Variants in PHYKPL observed in about 807,000 individuals in gnomAD.
PHYKPL encodes 5-phosphohydroxy-L-lysine phospho-lyase.
A neutral mutation model predicts 51.3 loss-of-function variants in PHYKPL; 42 were observed. The observed-to-expected ratio is 0.82, with a 90% CI of 0.64 to 1.06. PHYKPL has a LOEUF of 1.06. Ranked by LOEUF, PHYKPL falls within the 50% of genes least tolerant of loss-of-function variation. The pLI is 0.00. For synonymous variants in PHYKPL, 264 were observed against 236.0 expected, an observed-to-expected ratio of 1.12 and a Z score of -1.09; for missense variants, 655 against 586.6, an observed-to-expected ratio of 1.12 and a Z score of -1.20.
chr5:178,213,296 A>T (rs962935317), intron 10 of PHYKPL, among the ~76,000 whole-genome samples, 193 bp from the exon 11 acceptor site: 2 of 152,142 alleles, frequency 1.3e-5, no homozygotes, highest in Admixed American at 1.3e-4. Context: ...AGTGCACTGC[A>T]CCTGGCCCTG....
At chr5:178,232,222 T>G in intron 1 of PHYKPL, 2 of 1,254,692 alleles carry the variant, frequency 1.6e-6, no homozygotes, top group Non-Finnish European at 1.0e-6. Context: ...CGAACAGCGG[T>G]GAGGGCGGGG....
At chr5:178,229,376 G>A (rs1340580534) in intron 3 of PHYKPL, among the ~76,000 whole-genome samples, 2 of 152,288 alleles carry the variant, frequency 1.3e-5, no homozygotes, top group African/African-American at 4.8e-5. Flanking sequence ...CCGAAGTGCT[G>A]GGATTACAGG....
intron 2 of PHYKPL, among the ~76,000 whole-genome samples, 199 bp downstream of exon 2, chr5:178,231,206 A>G (rs1763327431): frequency 6.6e-6 from 1 of 152,050 alleles, no homozygotes; most frequent in African/African-American, 2.4e-5. Context: ...TAGATTGCTG[A>G]CCCCTGCCTG....
intron 2 of PHYKPL, chr5:178,230,924 T>A (rs1360859215): frequency 7.1e-6 from 1 of 140,474 alleles, no homozygotes; most frequent in East Asian, 2.0e-4. Context: ...AGTCTCTGCT[T>A]TTTTTTTTTT....
At chr5:178,228,235 G>GC (rs1348313875) in intron 3 of PHYKPL, 1 of 391,474 alleles carries the variant, frequency 2.6e-6, no homozygotes, top group Non-Finnish European at 4.7e-6. Context: ...CCCAGGATCA[G>GC]CCCCAAGGAA....
intron 10 of PHYKPL, among the ~76,000 whole-genome samples, chr5:178,213,657 T>C (rs1759127931): frequency 6.6e-6 from 1 of 152,368 alleles, no homozygotes; most frequent in Non-Finnish European, 1.5e-5. Context: ...TCTAACCTCA[T>C]CTCTGAGATG....
At chr5:178,207,825 C>G (rs1757152405), downstream of PHYKPL, among the ~76,000 whole-genome samples, 1 of 151,556 alleles carries the variant, frequency 6.6e-6, no homozygotes, top group Non-Finnish European at 1.5e-5. Flanking sequence ...ATCTCAGCCT[C>G]TCGAGTAGCT....
At chr5:178,232,329 G>T in intron 1 of PHYKPL, 163 bp downstream of exon 1, 1 of 1,271,246 alleles carries the variant, frequency 7.9e-7, no homozygotes, top group Non-Finnish European at 9.9e-7. Context: ...CCCGCCTCGG[G>T]CCCTAGAAGC....
intron 8 of PHYKPL, among the ~76,000 whole-genome samples, chr5:178,219,751 C>T (rs190067690): frequency 1.2e-3 from 176 of 151,998 alleles, no homozygotes; most frequent in African/African-American, 4.2e-3. Flanking sequence ...CACCCGACCA[C>T]AAATGGGCAT....
intron 3 of PHYKPL, chr5:178,228,385 A>G (rs1387515005): frequency 9.7e-6 from 6 of 619,314 alleles, no homozygotes; most frequent in Non-Finnish European, 1.4e-5. Flanking sequence ...GGGACAGAGT[A>G]AGACAATGCA....
intron 8 of PHYKPL, among the ~76,000 whole-genome samples, chr5:178,219,347 G>GACAC (rs1034512656): frequency 1.3e-5 from 2 of 150,676 alleles, no homozygotes; most frequent in Non-Finnish European, 2.9e-5. Context: ...CACACACACA[G>GACAC]ACACACACAC....
At position 178,211,840 on chromosome 5, in the gene PHYKPL, G is replaced by C. The variant is rs1167948829; in HGVS notation, c.*31+50C>G. The stretch of plus-strand genomic sequence containing the variant: ...TTGCCGAGGCTGCTTGCTGCTGATG[G>C]TAAGGAACCCGCTGTGCATCTTCAA... On this transcript the variant is annotated intron_variant, in intron 12 of 12. Coordinates refer to ENST00000308158, the MANE Select transcript of PHYKPL (RefSeq NM_153373.4). 7 of 1,396,798 alleles carry C rather than the reference G, an allele frequency of 5.0e-6. No individual in the cohort carries two copies. The South Asian group carries it at 8.4e-5, about 17-fold the overall frequency. 86.5% of individuals were successfully genotyped at this position (1,396,798 alleles called of 1,614,324 possible).
In PHYKPL at chr5:178,208,566, T is replaced by C. The variant is rs1757233135; in HGVS notation, c.*381A>G. 1 of 152,258 alleles carries C rather than the reference T, an allele frequency of 6.6e-6. No homozygotes were observed. Among genetic ancestry groups the C allele is most frequent in the South Asian group, 2.1e-4 (1 of 4,834 alleles). 9.4% of individuals were successfully genotyped at this position (152,258 alleles called of 1,614,324 possible). The stretch of plus-strand genomic sequence containing the variant: ...AGATTGCATTATTTTAATTTGCCAA[T>C]TAAAAGTATGACTGGGACACTGTAA... On this transcript the variant is annotated 3_prime_UTR_variant, in exon 13 of 13. Coordinates refer to ENST00000308158, the MANE Select transcript of PHYKPL (RefSeq NM_153373.4).
At position 178,219,574 on chromosome 5, in the gene PHYKPL, C is replaced by T. The variant is rs188714144; in HGVS notation, c.927+2781G>A. Reference sequence around the variant, plus strand: ...ACGCCATTCTCCTGCCTCAGCCTCCCGAGTAGCTGGGACTACAGGTGCCCG... The same window carrying T: ...ACGCCATTCTCCTGCCTCAGCCTCCTGAGTAGCTGGGACTACAGGTGCCCG... On this transcript the variant is annotated intron_variant, in intron 8 of 12. Coordinates refer to ENST00000308158, the MANE Select transcript of PHYKPL (RefSeq NM_153373.4). Among the ~76,000 whole-genome samples, 344 of 151,956 alleles carry T rather than the reference C, an allele frequency of 2.3e-3. 1 individual carries two copies. Among genetic ancestry groups the T allele is most frequent in the African/African-American group, 7.7e-3 (320 of 41,440 alleles).
chr5:178,210,388 T>C (rs1757858362), intron 12 of PHYKPL: 10 of 1,572,386 alleles, frequency 6.4e-6, no homozygotes, highest in Non-Finnish European at 8.7e-6. Context: ...GGCTCAGCCA[T>C]GGGAGCTACT....
intron 12 of PHYKPL, chr5:178,209,296 C>T (rs1187666536): frequency 3.8e-6 from 6 of 1,570,776 alleles, no homozygotes; most frequent in Non-Finnish European, 4.4e-6. Flanking sequence ...TGAGTTTGTC[C>T]TACTGGCCTG....
intron 6 of PHYKPL, among the ~76,000 whole-genome samples, chr5:178,223,145 T>TA (rs1028673574): frequency 1.5e-4 from 23 of 152,162 alleles, no homozygotes; most frequent in African/African-American, 5.3e-4. Context: ...TCCAGGCCCC[T>TA]AGTACTTGGC....
At chr5:178,232,219 C>A in intron 1 of PHYKPL, 1 of 1,257,462 alleles carries the variant, frequency 8.0e-7, no homozygotes, top group Non-Finnish European at 1.0e-6. Context: ...AGCCGAACAG[C>A]GGTGAGGGCG....
At chr5:178,207,713 T>TGG (rs1757142585), downstream of PHYKPL, among the ~76,000 whole-genome samples, 1 of 105,520 alleles carries the variant, frequency 9.5e-6, no homozygotes, top group Non-Finnish European at 2.0e-5. Context: ...TTTTTTTTTT[T>TGG]TTGCTTTGAG....
Sources: gnomAD v4.1 joint callset for allele counts (sites outside exome capture counted in the v4.1 genomes callset) on GRCh38, gnomAD v4.1.1 for gene constraint, MANE v1.5 for transcripts, NCBI Gene and HGNC (gene_info 2026-07-23, HGNC 2026-07-21) for gene names.